Variants in CEMIP observed in about 807,000 individuals in gnomAD.
CEMIP encodes cell migration-inducing and hyaluronan-binding protein.
Under a neutral mutation model 156.9 loss-of-function variants are expected in CEMIP, and 105 were observed. The ratio of observed to expected loss-of-function variants is 0.67; its 90% confidence interval spans 0.57 to 0.79. The LOEUF is 0.79. Ranked by LOEUF, CEMIP falls within the 30% of genes least tolerant of loss-of-function variation. CEMIP has a pLI of 0.00. For missense variants in CEMIP, 1,457 were observed against 1,769.4 expected (o/e 0.82, Z 3.17); for synonymous variants, 676 against 668.4 (o/e 1.01, Z -0.17).
intron 12 of CEMIP, among the ~76,000 whole-genome samples, chr15:80,899,901 G>C (rs796790722): frequency 6.6e-5 from 10 of 152,190 alleles, no homozygotes; most frequent in African/African-American, 2.4e-4. Context: ...CTGGACTCTT[G>C]GCAGGAGTGG....
At chr15:80,928,776 T>C in intron 19 of CEMIP, 126 bp from the exon 20 acceptor site, 1 of 1,201,414 alleles carries the variant, frequency 8.3e-7, no homozygotes, top group Non-Finnish European at 1.2e-6. Context: ...TCTGCTTATG[T>C]AGAGACTCCT....
chr15:80,783,145 C>A (rs1895840670), intron 1 of CEMIP, among the ~76,000 whole-genome samples: 1 of 152,220 alleles, frequency 6.6e-6, no homozygotes, highest in East Asian at 1.9e-4. Context: ...TCCTTTGAAG[C>A]CTGCTGCTTA....
intron 1 of CEMIP, among the ~76,000 whole-genome samples, chr15:80,800,377 AG>A (rs1396010552): frequency 6.6e-6 from 1 of 152,140 alleles, no homozygotes; most frequent in Non-Finnish European, 1.5e-5. Flanking sequence ...GGCCTATTGC[AG>A]GATCTGACAG....
chr15:80,866,632 T>A (rs868824514), intron 1 of CEMIP, among the ~76,000 whole-genome samples: 2 of 112,396 alleles, frequency 1.8e-5, no homozygotes, highest in African/African-American at 6.6e-5. Flanking sequence ...AATAAATAAA[T>A]AAAATAAGCC....
At position 80,929,117 on chromosome 15, in the gene CEMIP, A is replaced by G. The variant is rs758524742; in HGVS notation, c.2555A>G (p.Asn852Ser). The G allele has an allele frequency of 3.1e-6, 5 of 1,614,230 alleles. No individual in the cohort carries two copies. The highest frequency in any genetic ancestry group is 2.7e-5 in the African/African-American group (2 of 75,058). ...SGNVGTEMMD[N>S]RIWGPGGLDH... ...AACGTGGGGACGGAAATGATGGACA[A>G]TAGGATCTGGGGCCCTGGCGGCTTG... The change falls in exon 21 of 30, where the codon AAT becomes AGT. Residue 852 changes from asparagine (N) to serine (S), a missense_variant. Around this residue, in one of 5 missense-constraint regions of CEMIP, gnomAD observed 798 missense variants for 980.1 expected, o/e 0.81. Coordinates refer to ENST00000394685, the MANE Select transcript of CEMIP (RefSeq NM_001293298.2).
intron 1 of CEMIP, among the ~76,000 whole-genome samples, chr15:80,821,075 G>A (rs1202153395): frequency 1.3e-5 from 2 of 152,158 alleles, no homozygotes; most frequent in African/African-American, 4.8e-5. Context: ...TCAAACAACT[G>A]GCTCTGTGCT....
chr15:80,921,953 C>G (rs1900489139), intron 16 of CEMIP, 56 bp from the exon 17 acceptor site: 1 of 1,612,212 alleles, frequency 6.2e-7, no homozygotes, highest in East Asian at 2.2e-5. Context: ...CCACCTTGCC[C>G]AGGAGCTCTC....
chr15:80,847,451 C>A lies in CEMIP; in HGVS notation c.-175-26087C>A, dbSNP rs895964463. Among the ~76,000 whole-genome samples, 5 of 152,102 alleles carry A rather than the reference C, an allele frequency of 3.3e-5. No homozygotes were observed. The South Asian group carries it at 6.2e-4, about 19-fold the overall frequency. ...CAAATGTGAGCCAACAGAAAGCTTC[C>A]GGGTTGGGGTGCAGTCTGGGCTCAC... On this transcript the variant is annotated intron_variant, in intron 1 of 29. Transcript: ENST00000394685.
chr15:80,831,117 T>C lies in CEMIP; in HGVS notation c.-175-42421T>C, dbSNP rs559359159. ...CCAACCTACCTTCCAACCTGGAAAT[T>C]TGGGAGGTGTGGGAAACGGGTGACC... On this transcript the variant is annotated intron_variant, in intron 1 of 29. Coordinates refer to ENST00000394685, the MANE Select transcript of CEMIP (RefSeq NM_001293298.2). Among the ~76,000 whole-genome samples, 19 of 152,178 alleles carry C rather than the reference T, an allele frequency of 1.2e-4. No homozygotes were observed. The East Asian group carries it at 3.1e-3, about 25-fold the overall frequency.
intron 19 of CEMIP, among the ~76,000 whole-genome samples, chr15:80,928,070 A>G (rs1445666546): frequency 6.6e-6 from 1 of 152,164 alleles, no homozygotes; most frequent in Admixed American, 6.5e-5. Context: ...CGGAAGTTTT[A>G]GGGACCAGAG....
chr15:80,936,793 C>G lies in CEMIP; in HGVS notation c.3129C>G (p.Tyr1043Ter). 6.2e-7 allele frequency: 1 copy of G among 1,614,206 alleles called. No homozygotes were observed. Among genetic ancestry groups the G allele is most frequent in the Non-Finnish European group, 8.5e-7 (1 of 1,180,042 alleles). Residue 1043 changes from tyrosine to a stop codon, truncating the protein, a stop_gained, in exon 24 of 30, where the codon TAC becomes TAG. Coordinates refer to ENST00000394685, the MANE Select transcript of CEMIP (RefSeq NM_001293298.2). LOFTEE classifies it high-confidence loss of function. ...CCAGGAGCACCCATTACCAGCAATA[C>G]CAACCGGTTGTCACCCTGCAGAAGG... Reference protein sequence around the residue: ...ALTRSTHYQQYQPVVTLQKGY... With the variant: ...ALTRSTHYQQ
intron 23 of CEMIP, among the ~76,000 whole-genome samples, chr15:80,935,172 G>T (rs1354128149): frequency 1.3e-5 from 2 of 152,300 alleles, no homozygotes; most frequent in East Asian, 3.9e-4. Context: ...ATGCTAATGG[G>T]AGTGAGTGGT....
At chr15:80,786,354 C>A (rs1000799879) in intron 1 of CEMIP, among the ~76,000 whole-genome samples, 5 of 152,032 alleles carry the variant, frequency 3.3e-5, no homozygotes, top group African/African-American at 1.2e-4. Flanking sequence ...CTCAAGCCCC[C>A]CAAGTAGCTG....
At chr15:80,868,561 T>C (rs1366239470) in intron 1 of CEMIP, among the ~76,000 whole-genome samples, 1 of 152,176 alleles carries the variant, frequency 6.6e-6, no homozygotes, top group East Asian at 1.9e-4. Context: ...GGCTGTATAA[T>C]CTCTCATATT....
At position 80,873,907 on chromosome 15, in the gene CEMIP, C is replaced by T. The variant is rs2141809919; in HGVS notation, c.28C>T (p.Leu10Phe). MGAAGRQDF[L>F]FKAMLTISWL... ...GGGAGCTGCTGGGAGGCAGGACTTC[C>T]TCTTCAAGGCCATGCTGACCATCAG... The change falls in exon 3 of 30, where the codon CTC (leucine) becomes TTC (phenylalanine). Residue 10 changes from leucine to phenylalanine, a missense_variant. Leu to Phe is a conservative substitution (Grantham distance 22). Transcript: ENST00000394685. The T allele has an allele frequency of 6.3e-7, 1 of 1,581,394 alleles. No homozygotes were observed. The highest frequency in any genetic ancestry group is 1.3e-5 in the African/African-American group (1 of 74,868).
At chr15:80,899,225 A>AAAAAG (rs1555433922) in intron 12 of CEMIP, among the ~76,000 whole-genome samples, 2,736 of 126,730 alleles carry the variant, frequency 0.022, 119 homozygotes, top group African/African-American at 0.073. Context: ...AAAAAAAAAA[A>AAAAAG]AAAGAAAGAA....
intron 1 of CEMIP, among the ~76,000 whole-genome samples, chr15:80,835,103 G>A (rs561316741): frequency 6.7e-6 from 1 of 148,752 alleles, no homozygotes; most frequent in African/African-American, 2.5e-5. Context: ...GAGAGAGAGA[G>A]AAAGAGACAG....
chr15:80,791,175 G>A (rs900799483), intron 1 of CEMIP, among the ~76,000 whole-genome samples: 3 of 152,090 alleles, frequency 2.0e-5, no homozygotes, highest in African/African-American at 7.2e-5. Context: ...AGATCATAAA[G>A]GTGGGGCAGG....
At chr15:80,919,924 G>A (rs1041839665) in intron 14 of CEMIP, among the ~76,000 whole-genome samples, 170 bp from the exon 15 acceptor site, 21 of 152,244 alleles carry the variant, frequency 1.4e-4, no homozygotes, top group Non-Finnish European at 2.8e-4. Context: ...CCTGGTGTAC[G>A]GCTGAGACTA....
Sources: gnomAD v4.1 joint callset for allele counts (sites outside exome capture counted in the v4.1 genomes callset) on GRCh38, gnomAD v4.1.1 for gene constraint, gnomAD v4.1.1 regional missense constraint, MANE v1.5 for transcripts, NCBI Gene and HGNC (gene_info 2026-07-23, HGNC 2026-07-21) for gene names.